Variants in PTPN14 observed in about 807,000 individuals in gnomAD.
PTPN14 encodes tyrosine-protein phosphatase non-receptor type 14.
PTPN14 carries 53 observed loss-of-function variants against 126.8 expected under a neutral mutation model. The ratio of observed to expected loss-of-function variants is 0.42; its 90% CI spans 0.34 to 0.53. The LOEUF (loss-of-function observed/expected upper bound fraction) is 0.53, where lower values mean the gene tolerates loss of function less well. PTPN14 is among the 20% of genes least tolerant of loss of function. The pLI is 0.08. For synonymous variants in PTPN14, 630 were observed against 599.3 expected, an observed-to-expected ratio of 1.05 and a Z score of -0.75; for missense variants, 1,257 against 1,552.9, an observed-to-expected ratio of 0.81 and a Z score of 3.20.
chr1:214,379,380 T>C (rs1486337823), intron 13 of PTPN14, among the ~76,000 whole-genome samples: 1 of 152,206 alleles, frequency 6.6e-6, no homozygotes, highest in Admixed American at 6.5e-5. Flanking sequence ...GAGGACTGCA[T>C]GACGCCCTTC....
At chr1:214,441,491 A>G (rs1233635524) in intron 3 of PTPN14, among the ~76,000 whole-genome samples, 4 of 152,150 alleles carry the variant, frequency 2.6e-5, no homozygotes, top group Non-Finnish European at 1.5e-5. Flanking sequence ...CTCCACTCCA[A>G]CTGAATGTCC....
intron 1 of PTPN14, among the ~76,000 whole-genome samples, chr1:214,490,237 G>C (rs1413920666): frequency 6.6e-6 from 1 of 152,108 alleles, no homozygotes. Flanking sequence ...AAGTTACAAG[G>C]GGGAAATGTT....
intron 1 of PTPN14, among the ~76,000 whole-genome samples, chr1:214,469,648 A>G (rs944548910): frequency 1.3e-5 from 2 of 151,568 alleles, no homozygotes; most frequent in African/African-American, 4.8e-5. Flanking sequence ...AGCCCTCATT[A>G]TATTTACTGT....
At chr1:214,414,435 C>T (rs1659380545) in intron 4 of PTPN14, among the ~76,000 whole-genome samples, 194 bp downstream of exon 4, 1 of 152,196 alleles carries the variant, frequency 6.6e-6, no homozygotes, top group Non-Finnish European at 1.5e-5. Flanking sequence ...AGTTTGCAAA[C>T]AGCTTTGAGA....
intron 9 of PTPN14, 44 bp downstream of exon 9, chr1:214,394,855 G>C (rs777653339): frequency 1.9e-6 from 3 of 1,541,662 alleles, no homozygotes; most frequent in South Asian, 1.1e-5. Flanking sequence ...AAGTCCAAAA[G>C]CCAGTGTCTT....
intron 3 of PTPN14, among the ~76,000 whole-genome samples, chr1:214,415,830 G>A (rs1659414870): frequency 6.6e-6 from 1 of 152,088 alleles, no homozygotes; most frequent in Admixed American, 6.6e-5. Context: ...CTCTTTGGTG[G>A]GAAAAACCTA....
At chr1:214,486,244 A>C (rs1284154387) in intron 1 of PTPN14, among the ~76,000 whole-genome samples, 2 of 152,200 alleles carry the variant, frequency 1.3e-5, no homozygotes, top group Non-Finnish European at 2.9e-5. Flanking sequence ...TACATATGTT[A>C]TCTCTCATAC....
At chr1:214,397,702 G>A (rs1164138591) in intron 8 of PTPN14, among the ~76,000 whole-genome samples, 3 of 152,150 alleles carry the variant, frequency 2.0e-5, no homozygotes, top group Admixed American at 6.5e-5. Flanking sequence ...GTTCAACAAT[G>A]TAGTTCCTGG....
At chr1:214,414,826 G>A in intron 3 of PTPN14, 100 bp from the exon 4 acceptor site, 1 of 899,494 alleles carries the variant, frequency 1.1e-6, no homozygotes, top group South Asian at 1.4e-5. Flanking sequence ...TGTGTACACA[G>A]CAGGACATGC....
At chr1:214,358,208 T>C (rs1321655804) in intron 18 of PTPN14, among the ~76,000 whole-genome samples, 158 bp from the exon 19 acceptor site, 1 of 152,154 alleles carries the variant, frequency 6.6e-6, no homozygotes, top group Non-Finnish European at 1.5e-5. Flanking sequence ...CATCAAACAG[T>C]TTATATCAGC....
chr1:214,467,453 C>T (rs1660665502), intron 1 of PTPN14, among the ~76,000 whole-genome samples: 1 of 152,140 alleles, frequency 6.6e-6, no homozygotes, highest in African/African-American at 2.4e-5. Context: ...CGCATTTATC[C>T]CAGCAAAAAC....
chr1:214,466,658 T>C (rs1002051518), intron 1 of PTPN14, among the ~76,000 whole-genome samples: 3 of 152,160 alleles, frequency 2.0e-5, no homozygotes, highest in Admixed American at 1.3e-4. Flanking sequence ...CCAAATGTTC[T>C]GTTCTCCATT....
At chr1:214,497,913 CGA>C (rs1347527538) in intron 1 of PTPN14, among the ~76,000 whole-genome samples, 3 of 151,272 alleles carry the variant, frequency 2.0e-5, no homozygotes, top group Non-Finnish European at 3.0e-5. Flanking sequence ...GAAACACACA[CGA>C]GAGAGAGAGA....
At chr1:214,481,511 C>CAAA (rs371949252) in intron 1 of PTPN14, among the ~76,000 whole-genome samples, 14,870 of 67,138 alleles carry the variant, frequency 0.22, 2,374 homozygotes, top group African/African-American at 0.3. Context: ...AACTCCCGCT[C>CAAA]AAAAAAAAAA....
At chr1:214,395,530 C>T (rs1367158405) in intron 8 of PTPN14, among the ~76,000 whole-genome samples, 2 of 150,388 alleles carry the variant, frequency 1.3e-5, no homozygotes, top group Non-Finnish European at 3.0e-5. Flanking sequence ...GCTCCATATG[C>T]CTGCCACTAA....
chr1:214,507,360 T>G (rs1654868913), intron 1 of PTPN14, among the ~76,000 whole-genome samples: 1 of 152,176 alleles, frequency 6.6e-6, no homozygotes, highest in Non-Finnish European at 1.5e-5. Flanking sequence ...CAGGAATGCC[T>G]CCTGTCTCTA....
At chr1:214,387,415 G>A (rs1460610373) in intron 11 of PTPN14, among the ~76,000 whole-genome samples, 2 of 152,178 alleles carry the variant, frequency 1.3e-5, no homozygotes, top group African/African-American at 4.8e-5. Flanking sequence ...GCGAGCTGAG[G>A]CAGGAGAATC....
intron 1 of PTPN14, among the ~76,000 whole-genome samples, chr1:214,513,579 G>A (rs776530834): frequency 2.6e-5 from 4 of 152,122 alleles, no homozygotes; most frequent in Middle Eastern, 3.2e-3. Flanking sequence ...TGTGTGCTAC[G>A]GGTGTGCTTT....
At chr1:214,446,043 T>A (rs1660135301) in intron 3 of PTPN14, among the ~76,000 whole-genome samples, 2 of 152,076 alleles carry the variant, frequency 1.3e-5, no homozygotes, top group South Asian at 2.1e-4. Flanking sequence ...ATGGAAAAAA[T>A]TACAGTGGTC....
Sources: allele counts gnomAD v4.1 joint callset (sites outside exome capture counted in the v4.1 genomes callset), GRCh38; gene constraint gnomAD v4.1.1; transcripts MANE v1.5; gene names NCBI Gene and HGNC (gene_info 2026-07-23, HGNC 2026-07-21).